Variants in PDE10A observed in about 807,000 individuals in gnomAD.
PDE10A encodes the protein phosphodiesterase 10A, also known as cAMP and cAMP-inhibited cGMP 3',5'-cyclic phosphodiesterase 10A.
A neutral mutation model predicts 97.7 loss-of-function variants in PDE10A; 39 were observed. The observed-to-expected ratio is 0.40, with a 90% CI of 0.31 to 0.52. The LOEUF (loss-of-function observed/expected upper bound fraction) is 0.52. PDE10A is among the 20% of genes least tolerant of loss of function. The pLI, the probability that PDE10A is intolerant of heterozygous loss-of-function variation, is 0.56. For missense variants in PDE10A, 731 were observed against 1,047.8 expected (o/e 0.70, Z 4.17); for synonymous variants, 371 against 376.8 (o/e 0.98, Z 0.18).
chr6:165,521,994 G>A (rs680932), intron 2 of PDE10A, among the ~76,000 whole-genome samples: 97,652 of 152,048 alleles, frequency 0.64, 34,176 homozygotes, highest in South Asian at 0.77. Context: ...GTTGTAGCAT[G>A]TGTCAGAACT....
At chr6:165,406,007 G>A (rs755548565) in intron 13 of PDE10A, among the ~76,000 whole-genome samples, 18 of 152,050 alleles carry the variant, frequency 1.2e-4, no homozygotes, top group Non-Finnish European at 2.1e-4. Flanking sequence ...TAATGCTTAT[G>A]TGTGGAACGA....
At chr6:165,444,745 C>A (rs903708411) in intron 5 of PDE10A, among the ~76,000 whole-genome samples, 5 of 151,780 alleles carry the variant, frequency 3.3e-5, no homozygotes, top group African/African-American at 9.7e-5. Context: ...TTCCTCCTTG[C>A]TTATATGAAT....
At chr6:165,839,964 T>TCCATTC (rs1363317445) in intron 1 of PDE10A, among the ~76,000 whole-genome samples, 115 of 149,304 alleles carry the variant, frequency 7.7e-4, no homozygotes, top group Non-Finnish European at 9.5e-4. Context: ...CATCTACATC[T>TCCATTC]CTGTCTTCAT....
chr6:165,651,679 C>T (rs967470496), intron 1 of PDE10A, among the ~76,000 whole-genome samples: 1 of 152,006 alleles, frequency 6.6e-6, no homozygotes, highest in Non-Finnish European at 1.5e-5. Context: ...TTTTTGAGTC[C>T]CATTTAAAGG....
chr6:165,359,558 C>A (rs933906347), intron 18 of PDE10A, among the ~76,000 whole-genome samples: 29 of 152,088 alleles, frequency 1.9e-4, no homozygotes, highest in Admixed American at 4.6e-4. Context: ...TGCTAAAATT[C>A]TGCATTTTTT....
chr6:165,777,831 A>G (rs896386389), intron 1 of PDE10A, among the ~76,000 whole-genome samples: 1 of 152,158 alleles, frequency 6.6e-6, no homozygotes, highest in Admixed American at 6.5e-5. Flanking sequence ...AAGGTTACCT[A>G]CCGACACCAT....
intron 2 of PDE10A, among the ~76,000 whole-genome samples, chr6:165,538,385 T>C (rs1031090963): frequency 1.3e-5 from 2 of 152,160 alleles, no homozygotes; most frequent in East Asian, 3.8e-4. Flanking sequence ...GACACGATCA[T>C]AGAAATAAAA....
rs548156715 is a variant in PDE10A, at chr6:165,383,569, T to C, written c.2611-4203A>G. Among the ~76,000 whole-genome samples the C allele has an allele frequency of 1.6e-4, 25 of 152,208 alleles. No homozygotes were observed. In the East Asian group the frequency reaches 2.5e-3, roughly 15 times the overall value. ...AGCTTCAGTTTCAGTCTCTGAGTGC[T>C]GGTTCTGCCCACTCTGCATCTTCCC... On this transcript the variant is annotated intron_variant, in intron 17 of 21. Coordinates refer to ENST00000539869, the MANE Select transcript of PDE10A (RefSeq NM_001385079.1).
chr6:165,546,534 G>A (rs146180816), intron 1 of PDE10A, among the ~76,000 whole-genome samples: 19 of 152,164 alleles, frequency 1.2e-4, no homozygotes, highest in East Asian at 1.9e-4. Context: ...TCCCTGAAGC[G>A]GGTGGCAGAG....
At chr6:165,348,365 G>C (rs941555117) in intron 18 of PDE10A, among the ~76,000 whole-genome samples, 1 of 152,072 alleles carries the variant, frequency 6.6e-6, no homozygotes, top group Non-Finnish European at 1.5e-5. Flanking sequence ...ACGCACCATG[G>C]TCTTTTCTGA....
At chr6:165,958,731 G>GA (rs1373471772) in intron 1 of PDE10A, among the ~76,000 whole-genome samples, 5 of 13,464 alleles carry the variant, frequency 3.7e-4, no homozygotes, top group African/African-American at 2.4e-3. Context: ...AAGAAAGAAA[G>GA]AAAGAAAGAA....
intron 1 of PDE10A, among the ~76,000 whole-genome samples, chr6:165,610,874 G>T (rs116957511): frequency 0.012 from 1,866 of 152,158 alleles, 138 homozygotes; most frequent in Admixed American, 0.11. Context: ...ATTCCCATGT[G>T]ACCTTTAGCA....
chr6:165,768,552 T>C (rs1777924299), intron 1 of PDE10A, among the ~76,000 whole-genome samples: 1 of 152,184 alleles, frequency 6.6e-6, no homozygotes, highest in Non-Finnish European at 1.5e-5. Context: ...TATCCAATAT[T>C]TTTAATAACG....
chr6:165,493,144 C>T (rs112908798), intron 2 of PDE10A, among the ~76,000 whole-genome samples: 4,833 of 152,116 alleles, frequency 0.032, 115 homozygotes, highest in Middle Eastern at 0.075. Flanking sequence ...TGAAAGACTG[C>T]TACACAGAAA....
In PDE10A at chr6:165,711,244, C is replaced by A. The variant is rs1287686379; in HGVS notation, c.-614-167676G>T. On this transcript the variant is annotated intron_variant, in intron 1 of 19. Coordinates refer to the PDE10A transcript ENST00000366882. This position sits in a 1 kb window ranked among gnomAD's most constrained non-coding sequence, Gnocchi z 4.5. The stretch of plus-strand genomic sequence containing the variant: ...AGCAGGGCTCTTCTGAAAACCTCAT[C>A]TTGGATGGGTAATTTACAGAGGTAA... 6.6e-6 allele frequency among the ~76,000 whole-genome samples: 1 copy of A among 152,230 alleles called. No homozygotes were observed.
At chr6:165,736,563 A>G (rs1792580282) in intron 1 of PDE10A, among the ~76,000 whole-genome samples, 1 of 152,192 alleles carries the variant, frequency 6.6e-6, no homozygotes, top group African/African-American at 2.4e-5. Context: ...TCTTTGACCA[A>G]TGGATCAAAG....
chr6:165,464,968 A>G (rs1220565675), intron 3 of PDE10A, among the ~76,000 whole-genome samples: 1 of 152,206 alleles, frequency 6.6e-6, no homozygotes, highest in Admixed American at 6.5e-5. Flanking sequence ...CCTGCTATGA[A>G]CATTCTTATG....
chr6:165,783,592 T>TTA (rs201496471), intron 1 of PDE10A, among the ~76,000 whole-genome samples: 3,095 of 56,538 alleles, frequency 0.055, 127 homozygotes, highest in East Asian at 0.39. Context: ...AGGAAACGAG[T>TTA]CACATAGAAT....
intron 13 of PDE10A, among the ~76,000 whole-genome samples, chr6:165,399,124 T>A (rs1316174452): frequency 1.3e-5 from 2 of 152,150 alleles, no homozygotes; most frequent in African/African-American, 4.8e-5. Flanking sequence ...CACAAGGATA[T>A]AACAACCCTA....
Sources: allele counts gnomAD v4.1 joint callset (sites outside exome capture counted in the v4.1 genomes callset), GRCh38; gene constraint gnomAD v4.1.1; non-coding constraint Gnocchi (gnomAD v3.1); transcripts MANE v1.5; gene names NCBI Gene and HGNC (gene_info 2026-07-23, HGNC 2026-07-21).